The following WDFY1 variants were observed in gnomAD, a reference collection of about 807,000 sequenced individuals.
WDFY1 encodes WD repeat and FYVE domain-containing protein 1.
WDFY1 carries 32 observed loss-of-function variants against 56.4 expected under a neutral mutation model. The ratio of observed to expected loss-of-function variants is 0.57; its 90% CI spans 0.43 to 0.76. The LOEUF is 0.76. WDFY1 is among the 30% of genes least tolerant of loss of function. The pLI, the probability that WDFY1 is intolerant of heterozygous loss-of-function variation, is 0.00. For synonymous variants in WDFY1, 192 were observed against 197.3 expected (o/e 0.97, Z 0.23); for missense variants, 480 against 545.7 (o/e 0.88, Z 1.20).
chr2:223,880,562 G>A (rs1308318155), intron 10 of WDFY1, among the ~76,000 whole-genome samples: 3 of 146,720 alleles, frequency 2.0e-5, no homozygotes, highest in Non-Finnish European at 4.4e-5. Flanking sequence ...AGCCGAGATT[G>A]TACCACTGCA....
At position 223,901,312 on chromosome 2, in the gene WDFY1, G is replaced by A. The variant is rs371104825; in HGVS notation, c.356C>T (p.Ala119Val). 1.7e-5 allele frequency: 27 copies of A among 1,613,944 alleles called. No homozygotes were observed. The highest frequency in any genetic ancestry group is 5.3e-5 in the African/African-American group (4 of 74,878). ...TYPAHQNRVSAIIFSLATEWV... is the reference protein window; with the variant it reads ...TYPAHQNRVSVIIFSLATEWV... ...CTCTGTGGCCAAGCTGAAGATAATC[G>A]CAGACACCCGGTTCTGATGAGCTGC... Residue 119 changes from alanine (A) to valine (V), a missense_variant, in exon 5 of 12, where the codon GCG becomes GTG. Coordinates refer to ENST00000233055, the MANE Select transcript of WDFY1 (RefSeq NM_020830.5).
At chr2:223,928,310 A>G (rs1355570389) in intron 1 of WDFY1, among the ~76,000 whole-genome samples, 1 of 152,204 alleles carries the variant, frequency 6.6e-6, no homozygotes, top group East Asian at 1.9e-4. Flanking sequence ...TGCTTGTATC[A>G]AATCATATAA....
At chr2:223,904,239 T>G (rs1252028136) in intron 4 of WDFY1, among the ~76,000 whole-genome samples, 3 of 152,112 alleles carry the variant, frequency 2.0e-5, no homozygotes, top group Admixed American at 6.5e-5. Context: ...TTATATCACT[T>G]TTCTCCTATT....
chr2:223,933,413 A>T (rs1219856681), intron 1 of WDFY1, among the ~76,000 whole-genome samples: 1 of 150,668 alleles, frequency 6.6e-6, no homozygotes, highest in East Asian at 1.9e-4. Context: ...CATAAAAATA[A>T]TTTTTTGTGA....
chr2:223,879,234 G>A (rs1325970428), intron 11 of WDFY1, among the ~76,000 whole-genome samples: 1 of 152,152 alleles, frequency 6.6e-6, no homozygotes, highest in East Asian at 1.9e-4. Flanking sequence ...TCACTAAAAT[G>A]TGAATAAAGC....
Position 223,876,183 on chromosome 2 carries a change from A to G in WDFY1, c.*2488T>C, listed in dbSNP as rs1462589527. ...CCACATATATACTAGATGTAAATAT[A>G]AGGATCTTCTCTAATAGTCTGTATT... On this transcript the variant is annotated 3_prime_UTR_variant, in exon 12 of 12. Transcript: ENST00000233055. The G allele has an allele frequency of 1.3e-5, 2 of 152,594 alleles. No homozygotes were observed. Among genetic ancestry groups the G allele is most frequent in the Non-Finnish European group, 2.9e-5 (2 of 68,026 alleles). 9.5% of individuals were successfully genotyped at this position (152,594 alleles called of 1,614,324 possible).
intron 3 of WDFY1, among the ~76,000 whole-genome samples, chr2:223,910,779 G>A (rs1256644173): frequency 6.6e-6 from 1 of 152,116 alleles, no homozygotes; most frequent in East Asian, 1.9e-4. Context: ...GTGTTAGCAA[G>A]GATTTGGAGA....
rs946782095 is a variant in WDFY1 at position 223,912,126 on chromosome 2, T to C, written c.279+127A>G. The C allele has an allele frequency of 6.1e-5, 63 of 1,035,588 alleles. 1 individual carries two copies. The East Asian group carries it at 7.5e-4, about 12-fold the overall frequency. The allele number at this position is 1,035,588 out of a possible 1,614,324, so 64.1% of individuals were successfully genotyped here. ...CACTGTGCTTGGCCTAAATTAAACA[T>C]TTTTCATGCCAAACAATCGAGCATC... On this transcript the variant is annotated intron_variant, in intron 3 of 11. Transcript: ENST00000233055.
At chr2:223,889,240 A>ATAGCAAGTGGTTCG (rs1693227460) in intron 8 of WDFY1, among the ~76,000 whole-genome samples, 2 of 152,074 alleles carry the variant, frequency 1.3e-5, no homozygotes, top group Non-Finnish European at 1.5e-5. Context: ...CAAGTGGTTC[A>ATAGCAAGTGGTTCG]TAGCAAGTGG....
intron 1 of WDFY1, among the ~76,000 whole-genome samples, chr2:223,928,405 A>C (rs1376110885): frequency 1.3e-5 from 2 of 152,134 alleles, no homozygotes; most frequent in Non-Finnish European, 1.5e-5. Flanking sequence ...GGAGAAGAGA[A>C]CCCACCTCCA....
At chr2:223,910,335 C>T (rs1258721103) in intron 3 of WDFY1, among the ~76,000 whole-genome samples, 1 of 151,482 alleles carries the variant, frequency 6.6e-6, no homozygotes, top group East Asian at 1.9e-4. Context: ...TCTTGATTTA[C>T]ACCTATCTTT....
intron 8 of WDFY1, among the ~76,000 whole-genome samples, chr2:223,892,863 A>G (rs1434601876): frequency 6.6e-6 from 1 of 152,268 alleles, no homozygotes; most frequent in African/African-American, 2.4e-5. Context: ...TTTATTAAAT[A>G]CATTCACTTG....
At chr2:223,937,813 T>C (rs1356842893) in intron 1 of WDFY1, among the ~76,000 whole-genome samples, 1 of 152,236 alleles carries the variant, frequency 6.6e-6, no homozygotes, top group Non-Finnish European at 1.5e-5. Context: ...TTTTAGGCTC[T>C]GCATGACAAT....
At chr2:223,942,223 C>CTTTTT (rs777737121) in intron 1 of WDFY1, among the ~76,000 whole-genome samples, 1 of 146,610 alleles carries the variant, frequency 6.8e-6, no homozygotes. Flanking sequence ...AGGCTGCTAA[C>CTTTTT]TTTTTTTTTT....
At chr2:223,921,947 C>T (rs1693892623) in intron 1 of WDFY1, among the ~76,000 whole-genome samples, 1 of 152,174 alleles carries the variant, frequency 6.6e-6, no homozygotes, top group South Asian at 2.1e-4. Flanking sequence ...CCCTCTGCTC[C>T]ACCTCCAGTG....
intron 1 of WDFY1, among the ~76,000 whole-genome samples, chr2:223,940,155 C>T (rs1427337391): frequency 6.6e-6 from 1 of 152,172 alleles, no homozygotes; most frequent in Non-Finnish European, 1.5e-5. Flanking sequence ...CCTGTCTCTA[C>T]TAAAAATACA....
intron 8 of WDFY1, among the ~76,000 whole-genome samples, chr2:223,893,811 C>T (rs1284568852): frequency 1.3e-5 from 2 of 152,148 alleles, no homozygotes; most frequent in East Asian, 1.9e-4. Flanking sequence ...ATATATTTTC[C>T]CAGAAACCTG....
chr2:223,916,814 G>C (rs1377382282), intron 2 of WDFY1, among the ~76,000 whole-genome samples: 1 of 148,674 alleles, frequency 6.7e-6, no homozygotes, highest in African/African-American at 2.5e-5. Flanking sequence ...TCCCAGGGCT[G>C]CTTTTTTTTT....
chr2:223,942,344 C>G (rs541308446), intron 1 of WDFY1, among the ~76,000 whole-genome samples: 2 of 151,554 alleles, frequency 1.3e-5, no homozygotes, highest in South Asian at 4.2e-4. Flanking sequence ...CTCAGCTTCC[C>G]GAGTAGCTGG....
Sources: allele counts gnomAD v4.1 joint callset (sites outside exome capture counted in the v4.1 genomes callset), GRCh38; gene constraint gnomAD v4.1.1; transcripts MANE v1.5; gene names NCBI Gene and HGNC (gene_info 2026-07-23, HGNC 2026-07-21).